The following OTUD6B variants were observed in gnomAD, a reference collection of about 807,000 sequenced individuals.
OTUD6B encodes the protein OTU deubiquitinase 6B.
In OTUD6B, 41 loss-of-function variants were observed where a neutral mutation model predicts 36.9. That is an observed-to-expected ratio of 1.11 (90% CI 0.87 to 1.44). The LOEUF is 1.44. Ranked by LOEUF, OTUD6B falls within the 40% of genes most tolerant of loss-of-function variation. OTUD6B has a pLI of 0.00. For synonymous variants in OTUD6B, 114 were observed against 114.2 expected (o/e 1.00, Z 0.01); for missense variants, 356 against 344.8 (o/e 1.03, Z -0.26).
intron 5 of OTUD6B, among the ~76,000 whole-genome samples, chr8:91,083,334 A>G (rs1178569931): frequency 6.6e-6 from 1 of 152,080 alleles, no homozygotes; most frequent in Non-Finnish European, 1.5e-5. Context: ...GGTATTTAAA[A>G]ATTTTTTTTG....
Position 91,071,133 on chromosome 8 carries a change from T to C in OTUD6B, c.83-5T>C. 6.2e-7 allele frequency: 1 copy of C among 1,611,960 alleles called. No individual in the cohort carries two copies. On this transcript the variant is annotated splice_polypyrimidine_tract_variant and splice_region_variant and intron_variant, in intron 1 of 6. Coordinates refer to ENST00000404789, the MANE Select transcript of OTUD6B (RefSeq NM_016023.5). ...TCTGACTTAATGATTTTAATGGCTTTTCAGCCAAAATTCAGGGCATGAAGA... is the reference window on the plus strand; with the variant it reads ...TCTGACTTAATGATTTTAATGGCTTCTCAGCCAAAATTCAGGGCATGAAGA...
chr8:91,077,623 G>A (rs1190184454), intron 3 of OTUD6B, among the ~76,000 whole-genome samples: 1 of 151,874 alleles, frequency 6.6e-6, no homozygotes, highest in Non-Finnish European at 1.5e-5. Context: ...ATGTTTCCAT[G>A]GGAGGAGCTT....
intron 1 of OTUD6B, 55 bp downstream of exon 1, chr8:91,070,521 G>GT (rs1812667204): frequency 1.4e-5 from 21 of 1,517,250 alleles, no homozygotes; most frequent in Non-Finnish European, 1.8e-5. Context: ...GGAAGGGCGC[G>GT]TGGCGGGTCG....
chr8:91,084,077 G>A lies in OTUD6B; in HGVS notation c.760G>A (p.Val254Ile). 2 of 1,571,190 alleles carry A rather than the reference G, an allele frequency of 1.3e-6. No homozygotes were observed. The highest frequency in any genetic ancestry group is 1.7e-6 in the Non-Finnish European group (2 of 1,156,718). The stretch of plus-strand genomic sequence containing the variant: ...ACAGGCAGATTCTCCTCCCATTATA[G>A]TTGGTGAAGAATATTCAAAAAAACC... ...IIQADSPPII[V>I]GEEYSKKPLI... Residue 254 changes from valine to isoleucine, a missense_variant, in exon 6 of 7, where the codon GTT becomes ATT. Transcript: ENST00000404789.
Position 91,084,840 on chromosome 8 carries a change from TAAACATAGTTACTGAAAATTGCAGC to T in OTUD6B, c.855_879del (p.Ile287LeufsTer14). ...CATTATAATTCGGTTACACGGTTGG[TAAACATAGTTACTGAAAATTGCAGC>T]TAATTTATACAATGTTGTACAATTA... On this transcript the variant is annotated frameshift_variant, in exon 7 of 7. Coordinates refer to ENST00000404789, the MANE Select transcript of OTUD6B (RefSeq NM_016023.5). LOFTEE classifies it high-confidence loss of function. 6.4e-7 allele frequency: 1 copy of T among 1,574,510 alleles called. No individual in the cohort carries two copies. The highest frequency in any genetic ancestry group is 8.7e-7 in the Non-Finnish European group (1 of 1,150,708).
chr8:91,074,812 G>C (rs1213940703), intron 3 of OTUD6B, among the ~76,000 whole-genome samples: 1 of 152,026 alleles, frequency 6.6e-6, no homozygotes, highest in Non-Finnish European at 1.5e-5. Context: ...ATGGAGTTTA[G>C]TGTCAAACAG....
Position 91,076,617 on chromosome 8 carries a change from T to A in OTUD6B, c.316-1739T>A, listed in dbSNP as rs1337642605. On this transcript the variant is annotated intron_variant, in intron 3 of 6. Coordinates refer to ENST00000404789, the MANE Select transcript of OTUD6B (RefSeq NM_016023.5). ...GTGCCTGGATAGAAGGAGCTCTCTGTGTTGTCCTTGGTCCCTGCTCTGCTC... is the reference window on the plus strand; with the variant it reads ...GTGCCTGGATAGAAGGAGCTCTCTGAGTTGTCCTTGGTCCCTGCTCTGCTC... 4 of 1,532,578 alleles carry A rather than the reference T, an allele frequency of 2.6e-6. No individual in the cohort carries two copies. The African/African-American group carries it at 5.5e-5, about 21-fold the overall frequency. The allele number at this position is 1,532,578 out of a possible 1,614,324, so 94.9% of individuals were successfully genotyped here.
At position 91,073,913 on chromosome 8, in the gene OTUD6B, T is replaced by TATGAAAG. The variant is rs1383711848; in HGVS notation, c.315+3_315+9dup. 1 of 1,581,136 alleles carries TATGAAAG rather than the reference T, an allele frequency of 6.3e-7. No homozygotes were observed. Among genetic ancestry groups the TATGAAAG allele is most frequent in the Non-Finnish European group, 8.6e-7 (1 of 1,160,830 alleles). On this transcript the variant is annotated splice_region_variant and intron_variant, in intron 3 of 6. Coordinates refer to ENST00000404789, the MANE Select transcript of OTUD6B (RefSeq NM_016023.5). The stretch of plus-strand genomic sequence containing the variant: ...ATATCAAAAGCACAAAAGAGACGGG[T>TATGAAAG]ATGAAAGTCATGTCACCAAGTATAT...
rs1225902620 is a variant in OTUD6B at position 91,076,539 on chromosome 8, C to T, written c.316-1817C>T. 9 of 1,524,030 alleles carry T rather than the reference C, an allele frequency of 5.9e-6. No homozygotes were observed. In the South Asian group the frequency reaches 7.2e-5, roughly 12 times the overall value. The allele number at this position is 1,524,030 out of a possible 1,614,324, so 94.4% of individuals were successfully genotyped here. A position where few individuals can be genotyped will look rare whatever the true frequency, so the allele number is the denominator to read the frequency against. ...AGTGCCACTCTTTCAGTAAATAGTA[C>T]ATGACATCATTAACTCCAGCTCCCA... On this transcript the variant is annotated intron_variant, in intron 3 of 6. Coordinates refer to ENST00000404789, the MANE Select transcript of OTUD6B (RefSeq NM_016023.5).
intron 1 of OTUD6B, 49 bp downstream of exon 1, chr8:91,070,515 G>T: frequency 6.5e-7 from 1 of 1,531,176 alleles, no homozygotes; most frequent in South Asian, 1.2e-5. Flanking sequence ...ACTGGGGGAA[G>T]GGCGCGTGGC....
In OTUD6B at chr8:91,073,864, G is replaced by A; in HGVS notation, c.268G>A (p.Val90Met). The A allele has an allele frequency of 6.3e-7, 1 of 1,593,280 alleles. No individual in the cohort carries two copies. Among genetic ancestry groups the A allele is most frequent in the Non-Finnish European group, 8.6e-7 (1 of 1,168,376 alleles). Reference protein sequence around the residue: ...DSVAVNISNLVLENQPPRISK... With the variant: ...DSVAVNISNLMLENQPPRISK... ...TGTTGCTGTTAACATTTCAAACTTG[G>A]TGCTTGAGAATCAGCCACCTCGGAT... The change falls in exon 3 of 7, where the codon GTG becomes ATG. Residue 90 changes from valine (V) to methionine (M), a missense_variant. Transcript: ENST00000404789.
At chr8:91,084,252 A>T (rs1046580323) in intron 6 of OTUD6B, 138 bp downstream of exon 6, 2 of 600,536 alleles carry the variant, frequency 3.3e-6, no homozygotes, top group Non-Finnish European at 5.7e-6. Context: ...TTTGTGTGTG[A>T]GTTTAGAATA....
chr8:91,071,638 G>C (rs1398725415), intron 2 of OTUD6B, among the ~76,000 whole-genome samples: 1 of 152,168 alleles, frequency 6.6e-6, no homozygotes, highest in African/African-American at 2.4e-5. Flanking sequence ...GTGAGCCACC[G>C]TGCCCGGCCC....
chr8:91,085,030 A>T lies in OTUD6B; in HGVS notation c.*162A>T, dbSNP rs74845571. 2,624 of 386,650 alleles carry T rather than the reference A, an allele frequency of 6.8e-3. 75 individuals carry two copies. The highest frequency in any genetic ancestry group is 0.05 in the African/African-American group (2,387 of 47,304). The allele number at this position is 386,650 out of a possible 1,614,324, so 24.0% of individuals were successfully genotyped here. A position where few individuals can be genotyped will look rare whatever the true frequency, so the allele number is the denominator to read the frequency against. On this transcript the variant is annotated 3_prime_UTR_variant, in exon 7 of 7. Coordinates refer to ENST00000404789, the MANE Select transcript of OTUD6B (RefSeq NM_016023.5). ...GTTTTTAGAAATATGTCAGAGATAA[A>T]CTTTAACCAGTGTCTTCTTAGTGGA...
chr8:91,071,494 G>A, intron 2 of OTUD6B, among the ~76,000 whole-genome samples: 1 of 151,234 alleles, frequency 6.6e-6, no homozygotes, highest in East Asian at 1.9e-4. Context: ...TACTACGGGC[G>A]CCCGCCACTA....
chr8:91,076,497 T>A, intron 3 of OTUD6B: 1 of 1,510,578 alleles, frequency 6.6e-7, no homozygotes, highest in Non-Finnish European at 8.8e-7. Context: ...GCTTAAACAG[T>A]TTTGCAGATA....
At chr8:91,070,982 A>C (rs2130422298) in intron 1 of OTUD6B, 156 bp from the exon 2 acceptor site, 47 of 815,794 alleles carry the variant, frequency 5.8e-5, no homozygotes, top group East Asian at 1.3e-4. Context: ...TTTATCTGGG[A>C]TCTTCTCTCT....
At chr8:91,078,952 C>G (rs1432440734) in intron 4 of OTUD6B, 2 of 227,338 alleles carry the variant, frequency 8.8e-6, no homozygotes, top group Non-Finnish European at 1.7e-5. Flanking sequence ...AATGTAAGTT[C>G]TTATTTGACA....
intron 4 of OTUD6B, among the ~76,000 whole-genome samples, chr8:91,080,077 T>C (rs1433348018): frequency 6.6e-6 from 1 of 152,160 alleles, no homozygotes; most frequent in Non-Finnish European, 1.5e-5. Context: ...ATTAGGTCTT[T>C]TATTTCTCAG....
Sources: allele counts gnomAD v4.1 joint callset (sites outside exome capture counted in the v4.1 genomes callset), GRCh38; gene constraint gnomAD v4.1.1; transcripts MANE v1.5; gene names NCBI Gene and HGNC (gene_info 2026-07-23, HGNC 2026-07-21).